The following ABCG2 variants were observed in gnomAD, a reference collection of about 807,000 sequenced individuals.
ABCG2 encodes ATP binding cassette subfamily G member 2 (JR blood group).
In ABCG2, 80 loss-of-function variants were observed where a neutral mutation model predicts 73.5. That is an observed-to-expected ratio of 1.09 (90% CI 0.91 to 1.31). ABCG2 has a LOEUF of 1.31. Ranked by LOEUF, ABCG2 falls within the 50% of genes most tolerant of loss-of-function variation. The probability of loss-of-function intolerance (pLI) is 0.00; values close to 1 mark genes in which losing one functional copy is unlikely to be tolerated. For missense variants in ABCG2, 796 were observed against 786.2 expected (o/e 1.01, Z -0.15); for synonymous variants, 269 against 282.4 (o/e 0.95, Z 0.48).
chr4:88,135,668 G>A (rs1725199388), intron 2 of ABCG2, among the ~76,000 whole-genome samples: 1 of 152,158 alleles, frequency 6.6e-6, no homozygotes, highest in African/African-American at 2.4e-5. Flanking sequence ...AGGCTTCCCT[G>A]AACTGAGGAT....
rs890685633 is a variant in ABCG2 at position 88,091,275 on chromosome 4, C to T, written c.*959G>A. 3.9e-5 allele frequency: 6 copies of T among 152,088 alleles called. No homozygotes were observed. Among genetic ancestry groups the T allele is most frequent in the African/African-American group, 1.4e-4 (6 of 41,396 alleles). 9.4% of individuals were successfully genotyped at this position (152,088 alleles called of 1,614,324 possible). ...CTAAAAAAATAAAATTAAAACATTTCCCTATTACTGATGAAGGTTAGAATG... is the reference window on the plus strand; with the variant it reads ...CTAAAAAAATAAAATTAAAACATTTTCCTATTACTGATGAAGGTTAGAATG... On this transcript the variant is annotated 3_prime_UTR_variant, in exon 16 of 16. Transcript: ENST00000237612.
At chr4:88,195,666 G>A (rs1173395452) in intron 1 of ABCG2, among the ~76,000 whole-genome samples, 4 of 152,182 alleles carry the variant, frequency 2.6e-5, no homozygotes, top group Non-Finnish European at 4.4e-5. Flanking sequence ...GGGTAAGTGG[G>A]CAACTTGAGA....
chr4:88,225,642 G>A (rs990197467), intron 1 of ABCG2, among the ~76,000 whole-genome samples: 2 of 152,216 alleles, frequency 1.3e-5, no homozygotes, highest in East Asian at 1.9e-4. Context: ...CATAAGCTGA[G>A]CATTTTAATA....
chr4:88,202,350 T>TTTTATATATATA (rs1553945696), intron 1 of ABCG2, among the ~76,000 whole-genome samples: 1 of 35,392 alleles, frequency 2.8e-5, no homozygotes, highest in Admixed American at 3.3e-4. Context: ...ATCTCTACAA[T>TTTTATATATATA]TATTTATATA....
chr4:88,208,331 C>G (rs763823022), intron 1 of ABCG2, among the ~76,000 whole-genome samples: 1 of 152,134 alleles, frequency 6.6e-6, no homozygotes, highest in Non-Finnish European at 1.5e-5. Flanking sequence ...TAGGGAGAGT[C>G]GGAGAAATCC....
intron 1 of ABCG2, among the ~76,000 whole-genome samples, chr4:88,176,975 G>T (rs887303966): frequency 6.6e-6 from 1 of 152,054 alleles, no homozygotes; most frequent in Admixed American, 6.6e-5. Context: ...ACGAACATTA[G>T]TTGAAAAATA....
chr4:88,123,883 G>A (rs554852585), intron 5 of ABCG2, among the ~76,000 whole-genome samples: 12 of 152,130 alleles, frequency 7.9e-5, no homozygotes, highest in Non-Finnish European at 1.8e-4. Flanking sequence ...AGGTTGAAAT[G>A]AAGGAAAAAA....
rs189676685 is a variant in ABCG2 at position 88,099,754 on chromosome 4, C to T, written c.1368-306G>A. 2.1e-3 allele frequency among the ~76,000 whole-genome samples: 318 copies of T among 152,316 alleles called. 1 individual carries two copies. The highest frequency in any genetic ancestry group is 7.5e-3 in the African/African-American group (310 of 41,564). On this transcript the variant is annotated intron_variant, in intron 11 of 15. Transcript: ENST00000237612. The stretch of plus-strand genomic sequence containing the variant: ...AGATTCCACACATCCTCCCTCTCTT[C>T]AAAGAATGCTTCTTTTCCTTCTTTG...
chr4:88,206,850 A>G (rs961085140), intron 1 of ABCG2, among the ~76,000 whole-genome samples: 7 of 152,306 alleles, frequency 4.6e-5, no homozygotes, highest in African/African-American at 1.7e-4. Flanking sequence ...AGCTAGACAC[A>G]GAGCGCTGAT....
chr4:88,186,690 C>A (rs895640922), intron 1 of ABCG2, among the ~76,000 whole-genome samples: 5 of 151,288 alleles, frequency 3.3e-5, no homozygotes, highest in Admixed American at 6.6e-5. Context: ...GAGGCCGAGG[C>A]GGGCGGATCA....
intron 1 of ABCG2, among the ~76,000 whole-genome samples, chr4:88,222,527 G>T (rs1322657743): frequency 6.6e-6 from 1 of 152,212 alleles, no homozygotes; most frequent in Non-Finnish European, 1.5e-5. Context: ...ATCCACATAA[G>T]ATGTGACTTG....
chr4:88,199,675 T>G (rs773090955), intron 1 of ABCG2, among the ~76,000 whole-genome samples: 3 of 152,226 alleles, frequency 2.0e-5, no homozygotes, highest in Non-Finnish European at 2.9e-5. Flanking sequence ...TCAGTACATT[T>G]GTCTTGCAGA....
intron 1 of ABCG2, among the ~76,000 whole-genome samples, chr4:88,141,720 C>G (rs1206753241): frequency 6.6e-6 from 1 of 151,986 alleles, no homozygotes; most frequent in Admixed American, 6.6e-5. Flanking sequence ...CTGCCTGATT[C>G]ACGAATCATA....
Position 88,101,326 on chromosome 4 carries a change from T to G in ABCG2, c.1278-7A>C. 6.2e-7 allele frequency: 1 copy of G among 1,613,624 alleles called. No individual in the cohort carries two copies. Among genetic ancestry groups the G allele is most frequent in the Non-Finnish European group, 8.5e-7 (1 of 1,179,622 alleles). On this transcript the variant is annotated splice_polypyrimidine_tract_variant and splice_region_variant and intron_variant, in intron 10 of 15. Transcript: ENST00000237612. The stretch of plus-strand genomic sequence containing the variant: ...GAAGAAGAGAACCCCAGCTCTGCCA[T>G]GAAAAGGGGAACCAAATCACCGCAG...
intron 11 of ABCG2, 85 bp from the exon 12 acceptor site, chr4:88,099,533 G>A (rs1342967828): frequency 7.2e-7 from 1 of 1,387,738 alleles, no homozygotes; most frequent in Admixed American, 2.4e-5. Context: ...ACAGACCTCT[G>A]CTGACAGCAG....
At chr4:88,220,227 G>A (rs1729966231) in intron 1 of ABCG2, among the ~76,000 whole-genome samples, 1 of 152,158 alleles carries the variant, frequency 6.6e-6, no homozygotes, top group Admixed American at 6.5e-5. Flanking sequence ...AACAGTTGAT[G>A]AACATTAGGG....
At chr4:88,161,037 C>T (rs868851148), upstream of ABCG2, among the ~76,000 whole-genome samples, 1 of 151,686 alleles carries the variant, frequency 6.6e-6, no homozygotes, top group Non-Finnish European at 1.5e-5. Flanking sequence ...TTAAATTACA[C>T]TGGGTGTGGT....
At chr4:88,125,278 C>T (rs1261427893) in intron 5 of ABCG2, among the ~76,000 whole-genome samples, 2 of 145,220 alleles carry the variant, frequency 1.4e-5, no homozygotes, top group African/African-American at 5.1e-5. Context: ...GGCAACAGAG[C>T]GAGACTCTGT....
At chr4:88,125,109 G>A (rs867042342) in intron 5 of ABCG2, among the ~76,000 whole-genome samples, 3 of 151,512 alleles carry the variant, frequency 2.0e-5, no homozygotes, top group South Asian at 2.1e-4. Context: ...TGGCTAACAC[G>A]GTGAAACCCC....
Sources: gnomAD v4.1 joint callset for allele counts (sites outside exome capture counted in the v4.1 genomes callset) on GRCh38, gnomAD v4.1.1 for gene constraint, MANE v1.5 for transcripts, NCBI Gene and HGNC (gene_info 2026-07-23, HGNC 2026-07-21) for gene names.